The following SNX29 variants were observed in gnomAD, a reference collection of about 807,000 sequenced individuals.
The protein encoded by SNX29 is sorting nexin-29.
Under a neutral mutation model 102.1 loss-of-function variants are expected in SNX29, and 78 were observed. The observed-to-expected ratio is 0.76, with a 90% CI of 0.64 to 0.92. The LOEUF (loss-of-function observed/expected upper bound fraction) is 0.92, where lower values mean the gene tolerates loss of function less well. SNX29 is among the 40% of genes least tolerant of loss of function. The pLI is 0.00. For missense variants in SNX29, 1,280 were observed against 1,061.7 expected (o/e 1.21, Z -2.86); for synonymous variants, 580 against 414.5 (o/e 1.40, Z -4.85).
intron 20 of SNX29, among the ~76,000 whole-genome samples, chr16:12,553,349 C>T (rs764935012): frequency 3.3e-5 from 5 of 152,168 alleles, no homozygotes; most frequent in African/African-American, 9.7e-5. Flanking sequence ...GAAACCAGCT[C>T]GTCTTCTCAG....
intron 15 of SNX29, among the ~76,000 whole-genome samples, chr16:12,285,328 C>T (rs1042180706): frequency 6.6e-6 from 1 of 152,180 alleles, no homozygotes; most frequent in Non-Finnish European, 1.5e-5. Context: ...GCCAGTCCAT[C>T]CTCTGCAAAC....
rs148468739 is a variant in SNX29 at position 12,032,320 on chromosome 16, G to A, written c.247+4876G>A. ...CCTCCTGGGTTCAAGCGATTCTCCT[G>A]CCTCAGCCTCCCAAGTAGCTGAGAT... On this transcript the variant is annotated intron_variant, in intron 4 of 20. Coordinates refer to ENST00000566228, the MANE Select transcript of SNX29 (RefSeq NM_032167.5). Among the ~76,000 whole-genome samples the A allele has an allele frequency of 4.2e-3, 639 of 151,288 alleles. 7 individuals carry two copies. The highest frequency in any genetic ancestry group is 0.015 in the African/African-American group (598 of 41,216).
At chr16:12,556,846 G>A (rs1025438170) in intron 20 of SNX29, among the ~76,000 whole-genome samples, 29 of 152,074 alleles carry the variant, frequency 1.9e-4, no homozygotes, top group African/African-American at 7.0e-4. Context: ...GTTTGATGGT[G>A]GAAAAAATTG....
chr16:12,213,884 C>G (rs1318861301), intron 14 of SNX29, among the ~76,000 whole-genome samples: 1 of 152,160 alleles, frequency 6.6e-6, no homozygotes, highest in Non-Finnish European at 1.5e-5. Context: ...GCGATGAATA[C>G]TGGGTAGGCA....
intron 20 of SNX29, 123 bp from the exon 21 acceptor site, chr16:12,568,383 C>T (rs1473870079): frequency 3.8e-6 from 5 of 1,303,680 alleles, no homozygotes; most frequent in East Asian, 2.4e-5. Context: ...GAGGCAGATC[C>T]AATGAGCCAG....
intron 17 of SNX29, among the ~76,000 whole-genome samples, chr16:12,399,578 T>C (rs1189465936): frequency 6.6e-6 from 1 of 152,188 alleles, no homozygotes; most frequent in East Asian, 1.9e-4. Flanking sequence ...CAGGCATCAG[T>C]CCAGCCATTT....
At chr16:12,397,929 A>T (rs192575363) in intron 16 of SNX29, among the ~76,000 whole-genome samples, 1 of 152,100 alleles carries the variant, frequency 6.6e-6, no homozygotes, top group Non-Finnish European at 1.5e-5. Flanking sequence ...TCCCCTAGTC[A>T]TCATCTCATG....
chr16:12,112,231 G>C (rs1468749934), intron 11 of SNX29, among the ~76,000 whole-genome samples: 1 of 152,182 alleles, frequency 6.6e-6, no homozygotes, highest in Non-Finnish European at 1.5e-5. Flanking sequence ...AGAGTGCCCA[G>C]TCACGAGCCA....
In SNX29 at chr16:12,106,965, G is replaced by A. The variant is rs200893572; in HGVS notation, c.1403-19668G>A. Among the ~76,000 whole-genome samples, 20 of 152,150 alleles carry A rather than the reference G, an allele frequency of 1.3e-4. No homozygotes were observed. The East Asian group carries it at 3.5e-3, about 27-fold the overall frequency. On this transcript the variant is annotated intron_variant, in intron 11 of 20. Transcript: ENST00000566228. The stretch of plus-strand genomic sequence containing the variant: ...CAAGTAGCTGGGACTACAGGTGCAT[G>A]TCACCATGCCCAGCTAATTTTGAAA...
intron 13 of SNX29, among the ~76,000 whole-genome samples, chr16:12,148,926 T>G (rs1567251279): frequency 1.3e-5 from 2 of 152,154 alleles, no homozygotes; most frequent in Non-Finnish European, 2.9e-5. Context: ...GGTCTCGAAC[T>G]CCTGACCTCA....
At position 12,464,869 on chromosome 16, in the gene SNX29, A is replaced by G. The variant is rs533619467; in HGVS notation, c.2038-12850A>G. Among the ~76,000 whole-genome samples the G allele has an allele frequency of 3.5e-4, 54 of 152,284 alleles. 1 individual carries two copies. In the South Asian group the frequency reaches 9.3e-3, roughly 26 times the overall value. ...TTTTCTATGATTTACTTTCCTGCCAATAGCGTACAAGAGTTTCCTTTTCTC... is the reference window on the plus strand; with the variant it reads ...TTTTCTATGATTTACTTTCCTGCCAGTAGCGTACAAGAGTTTCCTTTTCTC... On this transcript the variant is annotated intron_variant, in intron 18 of 20. Coordinates refer to ENST00000566228, the MANE Select transcript of SNX29 (RefSeq NM_032167.5).
intron 20 of SNX29, among the ~76,000 whole-genome samples, chr16:12,532,277 A>C (rs867203060): frequency 2.6e-5 from 4 of 152,256 alleles, no homozygotes; most frequent in Admixed American, 2.0e-4. Context: ...TGGAAGCACA[A>C]TAAGTCCTTA....
intron 1 of SNX29, among the ~76,000 whole-genome samples, chr16:11,986,757 T>C (rs1365306168): frequency 1.3e-5 from 2 of 152,218 alleles, no homozygotes; most frequent in Non-Finnish European, 2.9e-5. Context: ...TAGTAAATAT[T>C]TTCTACTTTG....
intron 18 of SNX29, among the ~76,000 whole-genome samples, chr16:12,446,000 C>T (rs1194011324): frequency 1.3e-5 from 2 of 151,674 alleles, no homozygotes; most frequent in Non-Finnish European, 2.9e-5. Context: ...TGCACACCTG[C>T]TTCCATGCAG....
chr16:12,243,286 C>T (rs775497496), intron 14 of SNX29, among the ~76,000 whole-genome samples: 1 of 152,206 alleles, frequency 6.6e-6, no homozygotes, highest in Non-Finnish European at 1.5e-5. Context: ...TCCAGGTGAC[C>T]AAAGTCTGAC....
intron 16 of SNX29, among the ~76,000 whole-genome samples, chr16:12,393,701 C>T (rs931977254): frequency 2.6e-5 from 4 of 152,220 alleles, no homozygotes; most frequent in African/African-American, 9.7e-5. Context: ...AAGAGCTAAC[C>T]TTACAGAGAG....
chr16:12,053,532 A>G (rs1299589986), intron 8 of SNX29, among the ~76,000 whole-genome samples: 1 of 152,106 alleles, frequency 6.6e-6, no homozygotes, highest in Admixed American at 6.6e-5. Flanking sequence ...CTGTCTCTAC[A>G]AAAAAATAAA....
At chr16:12,277,184 T>G (rs1301798903) in intron 14 of SNX29, among the ~76,000 whole-genome samples, 1 of 152,050 alleles carries the variant, frequency 6.6e-6, no homozygotes, top group Non-Finnish European at 1.5e-5. Context: ...GGCCAGGAGT[T>G]TGAGACTAGC....
intron 13 of SNX29, among the ~76,000 whole-genome samples, chr16:12,139,138 C>T (rs550260158): frequency 1.7e-4 from 22 of 127,330 alleles, no homozygotes; most frequent in South Asian, 5.4e-4. Context: ...GCAGAGGCTG[C>T]GGTGAGCTGA....
Sources: allele counts gnomAD v4.1 joint callset (sites outside exome capture counted in the v4.1 genomes callset), GRCh38; gene constraint gnomAD v4.1.1; transcripts MANE v1.5; gene names NCBI Gene and HGNC (gene_info 2026-07-23, HGNC 2026-07-21).